CWF19L2: variants seen among roughly 807,000 people sequenced by gnomAD.
CWF19L2 encodes the protein CWF19 like cell cycle control factor 2, also known as CWF19-like protein 2.
CWF19L2 carries 98 observed loss-of-function variants against 111.7 expected under a neutral mutation model. The observed-to-expected ratio is 0.88, with a 90% confidence interval of 0.75 to 1.04. The LOEUF (loss-of-function observed/expected upper bound fraction) is 1.04, where lower values mean the gene tolerates loss of function less well. Among genes scored for constraint, CWF19L2 ranks in the 50% least tolerant of loss-of-function variants. CWF19L2 has a pLI of 0.00. For missense variants in CWF19L2, 1,101 were observed against 1,051.4 expected (o/e 1.05, Z -0.65); for synonymous variants, 351 against 342.9 (o/e 1.02, Z -0.26).
At chr11:107,434,722 T>A (rs1861516891) in intron 6 of CWF19L2, among the ~76,000 whole-genome samples, 1 of 145,302 alleles carries the variant, frequency 6.9e-6, no homozygotes, top group African/African-American at 2.5e-5. Context: ...ACAATATGGA[T>A]GAATCTCAAA....
intron 10 of CWF19L2, among the ~76,000 whole-genome samples, chr11:107,400,953 A>G (rs1860990574): frequency 2.0e-5 from 3 of 152,224 alleles, no homozygotes; most frequent in African/African-American, 2.4e-5. Flanking sequence ...AAAGAGAATT[A>G]AAAACAAAAA....
At chr11:107,374,644 C>T (rs1251366329) in intron 12 of CWF19L2, among the ~76,000 whole-genome samples, 11 of 126,990 alleles carry the variant, frequency 8.7e-5, no homozygotes, top group African/African-American at 2.5e-4. Context: ...AAGGAACAAC[C>T]GGTACCAGCC....
chr11:107,413,647 C>T lies in CWF19L2; in HGVS notation c.1617+2562G>A, dbSNP rs672665. On this transcript the variant is annotated intron_variant, in intron 10 of 17. Transcript: ENST00000282251. Reference sequence around the variant, plus strand: ...TCACAGTACACCTAGTTCTAGCTATCGTCCCAGTCCCTGCTTTTTAATCCT... The same window carrying T: ...TCACAGTACACCTAGTTCTAGCTATTGTCCCAGTCCCTGCTTTTTAATCCT... Among the ~76,000 whole-genome samples, 790 of 152,320 alleles carry T rather than the reference C, an allele frequency of 5.2e-3. 6 individuals are homozygous for T. Among genetic ancestry groups the T allele is most frequent in the African/African-American group, 0.018 (742 of 41,576 alleles).
intron 12 of CWF19L2, 42 bp downstream of exon 12, chr11:107,390,032 C>A: frequency 6.4e-7 from 1 of 1,565,444 alleles, no homozygotes; most frequent in South Asian, 1.1e-5. Context: ...ACTGAATAAT[C>A]AGCTTCTCAA....
chr11:107,346,288 CAACAG>C lies in CWF19L2; in HGVS notation c.2202+2644_2202+2648del, dbSNP rs1860079132. Among the ~76,000 whole-genome samples, 4 of 152,018 alleles carry C rather than the reference CAACAG, an allele frequency of 2.6e-5. No homozygotes were observed. The South Asian group carries it at 6.2e-4, about 24-fold the overall frequency. ...AAGTTATCCCAAGGTAAATGTTATG[CAACAG>C]AACAGAACACATTTATCTCTACTCT... On this transcript the variant is annotated intron_variant, in intron 14 of 17. Coordinates refer to ENST00000282251, the MANE Select transcript of CWF19L2 (RefSeq NM_152434.3).
chr11:107,373,086 C>G (rs7106826), intron 12 of CWF19L2, among the ~76,000 whole-genome samples: 12,235 of 34,570 alleles, frequency 0.35, 4,656 homozygotes, highest in African/African-American at 0.56. Context: ...CGGCACACTA[C>G]GAGATTATAT....
chr11:107,417,223 A>G (rs1367993379), intron 9 of CWF19L2, among the ~76,000 whole-genome samples: 1 of 152,220 alleles, frequency 6.6e-6, no homozygotes, highest in East Asian at 1.9e-4. Flanking sequence ...CTATTCTATC[A>G]AGATGTGGAA....
At chr11:107,358,363 A>C (rs948585758) in intron 12 of CWF19L2, among the ~76,000 whole-genome samples, 2 of 151,334 alleles carry the variant, frequency 1.3e-5, no homozygotes, top group Admixed American at 1.3e-4. Context: ...AAAAAAAATC[A>C]CAAAAAGCTC....
chr11:107,353,342 G>C (rs1386890916), intron 13 of CWF19L2, among the ~76,000 whole-genome samples, 182 bp downstream of exon 13: 2 of 152,114 alleles, frequency 1.3e-5, no homozygotes, highest in Admixed American at 6.5e-5. Flanking sequence ...ACCAGGGCTA[G>C]ATGCTTTGTA....
At chr11:107,362,285 A>T (rs1386262094) in intron 12 of CWF19L2, among the ~76,000 whole-genome samples, 1 of 152,034 alleles carries the variant, frequency 6.6e-6, no homozygotes, top group Non-Finnish European at 1.5e-5. Flanking sequence ...TTAGGTAAAC[A>T]AAGCAGCCAG....
chr11:107,361,643 G>A (rs969825328), intron 12 of CWF19L2, among the ~76,000 whole-genome samples: 3 of 152,150 alleles, frequency 2.0e-5, no homozygotes, highest in East Asian at 3.8e-4. Flanking sequence ...TGTCATCTAC[G>A]ATTTCTTTCA....
intron 4 of CWF19L2, among the ~76,000 whole-genome samples, chr11:107,442,722 A>AG (rs1565287058): frequency 6.1e-5 from 7 of 114,388 alleles, no homozygotes; most frequent in Non-Finnish European, 9.4e-5. Flanking sequence ...GAGAGAGAGA[A>AG]AGAGAAAGAA....
In CWF19L2 at chr11:107,371,207, G is replaced by A. The variant is rs1231602217; in HGVS notation, c.1873-17471C>T. ...TTTAGTAGAGACAGGATTTCACCAT[G>A]TTAGCCAGGATGGTATCGACCTCCT... is the stretch of plus-strand genomic sequence containing the variant. On this transcript the variant is annotated intron_variant, in intron 12 of 17. Coordinates refer to ENST00000282251, the MANE Select transcript of CWF19L2 (RefSeq NM_152434.3). 1.1e-4 allele frequency among the ~76,000 whole-genome samples: 15 copies of A among 135,878 alleles called. 3 individuals carry two copies. Among genetic ancestry groups the A allele is most frequent in the Admixed American group, 7.2e-4 (10 of 13,970 alleles). 89.1% of individuals were successfully genotyped at this position (135,878 alleles called of 152,430 possible).
At chr11:107,329,149 T>C (rs1339835360) in intron 17 of CWF19L2, among the ~76,000 whole-genome samples, 1 of 152,162 alleles carries the variant, frequency 6.6e-6, no homozygotes, top group Non-Finnish European at 1.5e-5. Flanking sequence ...AGGCCTGATC[T>C]ATACTAGATT....
chr11:107,439,954 G>A (rs1343756716), intron 5 of CWF19L2, among the ~76,000 whole-genome samples: 1 of 152,192 alleles, frequency 6.6e-6, no homozygotes, highest in Non-Finnish European at 1.5e-5. Flanking sequence ...AGTTCAGTCA[G>A]AAGGCTGTGG....
chr11:107,428,753 G>T, intron 8 of CWF19L2, 46 bp downstream of exon 8: 1 of 1,412,164 alleles, frequency 7.1e-7, no homozygotes, highest in Non-Finnish European at 9.7e-7. Context: ...TCTGTTCTTT[G>T]AACTCTCTGG....
chr11:107,364,907 C>T (rs1591165452), intron 12 of CWF19L2, among the ~76,000 whole-genome samples: 1 of 70,934 alleles, frequency 1.4e-5, no homozygotes, highest in Middle Eastern at 5.1e-3. Flanking sequence ...AAAGGATCAA[C>T]AAAATTGATA....
At chr11:107,442,803 GGA>G (rs1202022852) in intron 4 of CWF19L2, 134 bp downstream of exon 4, 3,865 of 377,508 alleles carry the variant, frequency 0.01, 176 homozygotes, top group African/African-American at 0.024. Flanking sequence ...AGGGAGGGAG[GGA>G]GGGAGGGAGG....
intron 16 of CWF19L2, among the ~76,000 whole-genome samples, chr11:107,330,336 T>G (rs150399875): frequency 1.3e-5 from 2 of 152,298 alleles, no homozygotes; most frequent in East Asian, 3.9e-4. Context: ...ATAATTTCCC[T>G]TAGACTACAC....
Sources: gnomAD v4.1 joint callset for allele counts (sites outside exome capture counted in the v4.1 genomes callset) on GRCh38, gnomAD v4.1.1 for gene constraint, MANE v1.5 for transcripts, NCBI Gene and HGNC (gene_info 2026-07-23, HGNC 2026-07-21) for gene names.